Variants in DSCAM observed in about 807,000 individuals in gnomAD.
DSCAM encodes the protein DS cell adhesion molecule.
In DSCAM, 47 loss-of-function variants were observed where a neutral mutation model predicts 217.7. That is an observed-to-expected ratio of 0.22 (90% CI 0.17 to 0.28). DSCAM has a LOEUF of 0.28. DSCAM is among the 10% of genes least tolerant of loss of function. The pLI, the probability that DSCAM is intolerant of heterozygous loss-of-function variation, is 1.00. For missense variants in DSCAM, 2,080 were observed against 2,618.3 expected, an observed-to-expected ratio of 0.79 and a Z score of 4.49; for synonymous variants, 1,056 against 1,015.3, an observed-to-expected ratio of 1.04 and a Z score of -0.76.
chr21:40,191,439 A>G (rs935288717), intron 11 of DSCAM, among the ~76,000 whole-genome samples: 4 of 152,106 alleles, frequency 2.6e-5, no homozygotes, highest in African/African-American at 9.7e-5. Context: ...GATGCAGCAA[A>G]ACTGGCTGTA....
intron 3 of DSCAM, among the ~76,000 whole-genome samples, chr21:40,617,505 G>A (rs1244716593): frequency 6.6e-6 from 1 of 152,158 alleles, no homozygotes; most frequent in African/African-American, 2.4e-5. Context: ...GCTCCTTCTA[G>A]GACCCGAGCA....
chr21:40,817,054 T>C (rs2091886835), intron 1 of DSCAM, among the ~76,000 whole-genome samples: 1 of 151,844 alleles, frequency 6.6e-6, no homozygotes, highest in Non-Finnish European at 1.5e-5. Flanking sequence ...TAATGGGTTA[T>C]TCTTATTTAA....
intron 8 of DSCAM, among the ~76,000 whole-genome samples, chr21:40,318,025 T>C (rs569075368): frequency 1.3e-5 from 2 of 152,178 alleles, no homozygotes; most frequent in East Asian, 1.9e-4. Flanking sequence ...TATGGCTGTA[T>C]AGTATTCCAT....
At chr21:40,588,727 GGTT>G (rs1398098320) in intron 3 of DSCAM, among the ~76,000 whole-genome samples, 1 of 152,122 alleles carries the variant, frequency 6.6e-6, no homozygotes, top group Non-Finnish European at 1.5e-5. Flanking sequence ...AAAAAAGACA[GGTT>G]GTTGTTTTTC....
At chr21:40,049,334 T>C (rs1299444962) in intron 30 of DSCAM, among the ~76,000 whole-genome samples, 1 of 152,086 alleles carries the variant, frequency 6.6e-6, no homozygotes, top group Non-Finnish European at 1.5e-5. Context: ...TCCATCCTCA[T>C]CATGCGGGGA....
At position 40,706,180 on chromosome 21, in the gene DSCAM, C is replaced by CAAAA. The variant is rs560131166; in HGVS notation, c.361+2270_361+2273dup. Among the ~76,000 whole-genome samples the CAAAA allele has an allele frequency of 1.0e-2, 991 of 99,246 alleles. 8 individuals carry two copies. Among genetic ancestry groups the CAAAA allele is most frequent in the Middle Eastern group, 0.074 (14 of 188 alleles). The allele number at this position is 99,246 out of a possible 152,430, so 65.1% of individuals were successfully genotyped here. A position where few individuals can be genotyped will look rare whatever the true frequency, so the allele number is the denominator to read the frequency against. ...GGGAAACAGAGCGAGACTCCAGTCT[C>CAAAA]AAAAAAAAAAAAAAAAGAAAGAAAG... On this transcript the variant is annotated intron_variant, in intron 2 of 32. Transcript: ENST00000400454.
At chr21:40,792,391 C>T (rs1260153032) in intron 1 of DSCAM, among the ~76,000 whole-genome samples, 1 of 152,034 alleles carries the variant, frequency 6.6e-6, no homozygotes, top group African/African-American at 2.4e-5. Context: ...CCACCTGCCT[C>T]GGAATTACAG....
chr21:40,528,321 C>A (rs995042953), intron 3 of DSCAM, among the ~76,000 whole-genome samples: 6 of 152,136 alleles, frequency 3.9e-5, no homozygotes, highest in Non-Finnish European at 8.8e-5. Context: ...AAAGTGGCTT[C>A]CTCTGAGAAC....
chr21:40,719,062 G>A (rs1034739121), intron 1 of DSCAM, among the ~76,000 whole-genome samples: 1 of 152,056 alleles, frequency 6.6e-6, no homozygotes, highest in African/African-American at 2.4e-5. Context: ...GTTGCAGTGA[G>A]CCGAGATCGC....
At chr21:40,109,258 G>T (rs928302397) in intron 20 of DSCAM, among the ~76,000 whole-genome samples, 2 of 152,124 alleles carry the variant, frequency 1.3e-5, no homozygotes, top group African/African-American at 4.8e-5. Context: ...TCTGACAAAG[G>T]TCTAATATTC....
At chr21:40,399,484 T>C (rs2075214100) in intron 3 of DSCAM, among the ~76,000 whole-genome samples, 1 of 152,244 alleles carries the variant, frequency 6.6e-6, no homozygotes, top group Non-Finnish European at 1.5e-5. Flanking sequence ...TCAATTCCTG[T>C]GTGCATGCTA....
chr21:40,220,701 G>A (rs1294784633), intron 11 of DSCAM, among the ~76,000 whole-genome samples: 2 of 152,224 alleles, frequency 1.3e-5, no homozygotes, highest in African/African-American at 4.8e-5. Flanking sequence ...CCCCATGAGA[G>A]TTCACAGCTT....
intron 15 of DSCAM, 95 bp downstream of exon 15, chr21:40,178,832 A>C: frequency 6.6e-7 from 1 of 1,506,142 alleles, no homozygotes; most frequent in East Asian, 2.3e-5. Flanking sequence ...TCCGCCTAGC[A>C]CGGGCAAAGG....
chr21:40,057,754 A>C (rs889660063), intron 28 of DSCAM, among the ~76,000 whole-genome samples: 1 of 152,144 alleles, frequency 6.6e-6, no homozygotes, highest in African/African-American at 2.4e-5. Context: ...CCTCCTCAGA[A>C]GACTATAAGA....
At chr21:40,521,858 T>G (rs967094363) in intron 3 of DSCAM, among the ~76,000 whole-genome samples, 1 of 152,182 alleles carries the variant, frequency 6.6e-6, no homozygotes, top group Admixed American at 6.5e-5. Flanking sequence ...GGATTTTGTA[T>G]GTTCCCCAGA....
chr21:40,589,155 C>A (rs1281094128), intron 3 of DSCAM, among the ~76,000 whole-genome samples: 6 of 152,068 alleles, frequency 3.9e-5, no homozygotes, highest in Non-Finnish European at 1.5e-5. Flanking sequence ...GGGGAATAAT[C>A]AGTGAAGAAA....
chr21:40,614,197 A>C (rs2089355708), intron 3 of DSCAM, among the ~76,000 whole-genome samples: 1 of 152,172 alleles, frequency 6.6e-6, no homozygotes. Flanking sequence ...GCAGTCATGG[A>C]AGTCATGGAA....
At chr21:40,571,621 T>C (rs1428112564) in intron 3 of DSCAM, among the ~76,000 whole-genome samples, 1 of 152,272 alleles carries the variant, frequency 6.6e-6, no homozygotes, top group East Asian at 1.9e-4. Flanking sequence ...GTATAACATA[T>C]AGGTAAAAAT....
At chr21:40,493,073 G>T (rs2076088976) in intron 3 of DSCAM, among the ~76,000 whole-genome samples, 1 of 152,150 alleles carries the variant, frequency 6.6e-6, no homozygotes, top group African/African-American at 2.4e-5. Context: ...GAGGAGGTGG[G>T]ATGATACATG....
Sources: allele counts gnomAD v4.1 joint callset (sites outside exome capture counted in the v4.1 genomes callset), GRCh38; gene constraint gnomAD v4.1.1; transcripts MANE v1.5; gene names NCBI Gene and HGNC (gene_info 2026-07-23, HGNC 2026-07-21).